Variants in SORBS2 observed in about 807,000 individuals in gnomAD.
SORBS2 encodes the protein sorbin and SH3 domain containing 2, also known as sorbin and SH3 domain-containing protein 2.
A neutral mutation model predicts 97.7 loss-of-function variants in SORBS2; 46 were observed. That is an observed-to-expected ratio of 0.47 (90% confidence interval 0.37 to 0.60). The LOEUF (loss-of-function observed/expected upper bound fraction) is 0.60. Ranked by LOEUF, SORBS2 falls within the 20% of genes least tolerant of loss-of-function variation. The pLI is 0.00. For synonymous variants in SORBS2, 476 were observed against 473.4 expected (o/e 1.01, Z -0.07); for missense variants, 1,316 against 1,282.3 (o/e 1.03, Z -0.40).
chr4:185,717,701 C>T (rs1318006076), intron 2 of SORBS2, among the ~76,000 whole-genome samples: 1 of 152,202 alleles, frequency 6.6e-6, no homozygotes, highest in Non-Finnish European at 1.5e-5. Context: ...GAGCCCAAGA[C>T]ATTTCACTCT....
chr4:185,597,888 G>T (rs2096151761), intron 12 of SORBS2, among the ~76,000 whole-genome samples: 1 of 152,278 alleles, frequency 6.6e-6, no homozygotes, highest in South Asian at 2.1e-4. Flanking sequence ...TATTTTAAAG[G>T]CCGCAGAGTG....
intron 1 of SORBS2, among the ~76,000 whole-genome samples, chr4:185,835,651 GA>G (rs1416690087): frequency 8.1e-6 from 1 of 123,708 alleles, no homozygotes; most frequent in Non-Finnish European, 1.6e-5. Flanking sequence ...ATTTTGAAAG[GA>G]TTTTTTTTTT....
chr4:185,619,066 C>T (rs962718238), intron 8 of SORBS2, among the ~76,000 whole-genome samples: 1 of 152,176 alleles, frequency 6.6e-6, no homozygotes, highest in African/African-American at 2.4e-5. Flanking sequence ...CTTCATTAGA[C>T]ACTTATTAAC....
chr4:185,768,388 A>T (rs1314730399), intron 2 of SORBS2, among the ~76,000 whole-genome samples: 1 of 152,166 alleles, frequency 6.6e-6, no homozygotes, highest in Non-Finnish European at 1.5e-5. Flanking sequence ...TCTCACCAAG[A>T]CTAACAATGA....
At chr4:185,825,822 T>C (rs1335257821) in intron 1 of SORBS2, among the ~76,000 whole-genome samples, 1 of 152,186 alleles carries the variant, frequency 6.6e-6, no homozygotes, top group Non-Finnish European at 1.5e-5. Flanking sequence ...TTCCAGATGT[T>C]CTTTACATTG....
chr4:185,717,365 G>A (rs1389719202), intron 2 of SORBS2, among the ~76,000 whole-genome samples: 1 of 152,214 alleles, frequency 6.6e-6, no homozygotes, highest in Non-Finnish European at 1.5e-5. Flanking sequence ...TTGCACAAAG[G>A]GAGGAGACTA....
At chr4:185,661,069 G>A (rs1457138205), upstream of SORBS2, among the ~76,000 whole-genome samples, 1 of 152,112 alleles carries the variant, frequency 6.6e-6, no homozygotes, top group Non-Finnish European at 1.5e-5. Context: ...GAGGTCAGGA[G>A]TTCGAGACCA....
intron 1 of SORBS2, among the ~76,000 whole-genome samples, chr4:185,870,552 C>T (rs1250900967): frequency 6.6e-6 from 1 of 152,230 alleles, no homozygotes; most frequent in Non-Finnish European, 1.5e-5. Context: ...CTGTCAGCAT[C>T]TGAAAACGCT....
chr4:185,685,473 T>C (rs2097939078), intron 2 of SORBS2, among the ~76,000 whole-genome samples: 1 of 152,164 alleles, frequency 6.6e-6, no homozygotes, highest in Admixed American at 6.5e-5. Context: ...AATAAAAGTA[T>C]TGATATATAT....
intron 1 of SORBS2, among the ~76,000 whole-genome samples, chr4:185,829,814 G>T (rs1268518601): frequency 6.6e-6 from 1 of 152,150 alleles, no homozygotes; most frequent in Admixed American, 6.5e-5. Context: ...CCAGCCATCT[G>T]CTCTATACAA....
At chr4:185,745,285 A>G (rs79177180) in intron 2 of SORBS2, among the ~76,000 whole-genome samples, 2 of 152,262 alleles carry the variant, frequency 1.3e-5, no homozygotes, top group African/African-American at 4.8e-5. Context: ...GGGAGCACCA[A>G]CCTGAACATG....
chr4:185,893,971 G>C (rs536474653), intron 1 of SORBS2, among the ~76,000 whole-genome samples: 21 of 152,090 alleles, frequency 1.4e-4, no homozygotes, highest in Non-Finnish European at 2.4e-4. Flanking sequence ...AGGGTGCCTC[G>C]GAGCCTGTCT....
At chr4:185,891,523 T>C (rs28548422) in intron 1 of SORBS2, among the ~76,000 whole-genome samples, 4,299 of 152,296 alleles carry the variant, frequency 0.028, 158 homozygotes, top group African/African-American at 0.088. Flanking sequence ...ATAGCAACAC[T>C]ATTGTGTACT....
Position 185,623,640 on chromosome 4 carries a change from C to T in SORBS2, c.1489G>A (p.Val497Met), listed in dbSNP as rs1373411554. ...TCCTGGTCGCTGTCGGAAAACTCCA[C>T]GTGTGCTCGGGGCTGCTCATCGCTG... Residue 497 changes from valine (V) to methionine (M), a missense_variant, in exon 7 of 15, where the codon GTG becomes ATG. By Grantham distance (21) the Val-to-Met change is conservative. Coordinates refer to ENST00000418609, the Ensembl canonical transcript of SORBS2. This position sits in a 1 kb window ranked among gnomAD's most constrained non-coding sequence, Gnocchi z 6.4. The T allele has an allele frequency of 6.2e-7, 1 of 1,614,114 alleles. No individual in the cohort carries two copies. The highest frequency in any genetic ancestry group is 2.2e-5 in the East Asian group (1 of 44,872).
chr4:185,703,203 C>A (rs527616845), intron 2 of SORBS2, among the ~76,000 whole-genome samples: 1 of 152,130 alleles, frequency 6.6e-6, no homozygotes, highest in Non-Finnish European at 1.5e-5. Flanking sequence ...AGAATTTGAT[C>A]GTTCCTAAAA....
chr4:185,638,461 T>C lies in SORBS2; in HGVS notation c.397-7863A>G, dbSNP rs141733031. 5.3e-4 allele frequency among the ~76,000 whole-genome samples: 81 copies of C among 152,280 alleles called. 1 individual carries two copies. In the East Asian group the frequency reaches 0.014, roughly 27 times the overall value. The stretch of plus-strand genomic sequence containing the variant: ...CCACTTACGCTTGAGGCATGAACTA[T>C]GGACCACTCTCTGCGGCAGCGAGAC... On this transcript the variant is annotated intron_variant, in intron 4 of 14. Coordinates refer to ENST00000418609, the Ensembl canonical transcript of SORBS2.
chr4:185,776,553 A>T (rs79321667), intron 1 of SORBS2, among the ~76,000 whole-genome samples: 1,771 of 152,254 alleles, frequency 0.012, 23 homozygotes, highest in East Asian at 0.079. Flanking sequence ...TTAAGTAGTC[A>T]GAAAGTACTG....
chr4:185,881,338 T>C (rs13132627), intron 1 of SORBS2, among the ~76,000 whole-genome samples: 75,579 of 151,866 alleles, frequency 0.5, 18,765 homozygotes, highest in Middle Eastern at 0.61. Flanking sequence ...AAGAAACTAT[T>C]ATAGCACCAA....
exon 1 of SORBS2, chr4:185,656,931 C>G: frequency 2.5e-6 from 3 of 1,182,630 alleles, no homozygotes; most frequent in Non-Finnish European, 3.1e-6. Flanking sequence ...GACATTAACT[C>G]TCTTCACTCC....
Sources: gnomAD v4.1 joint callset for allele counts (sites outside exome capture counted in the v4.1 genomes callset) on GRCh38, gnomAD v4.1.1 for gene constraint, Gnocchi (gnomAD v3.1) non-coding constraint, MANE v1.5 for transcripts, NCBI Gene and HGNC (gene_info 2026-07-23, HGNC 2026-07-21) for gene names.